The following BNC1 variants were observed in gnomAD, a reference collection of about 807,000 sequenced individuals.
BNC1 encodes the protein basonuclin zinc finger protein 1.
Under a neutral mutation model 66.5 loss-of-function variants are expected in BNC1, and 8 were observed. The observed-to-expected ratio is 0.12, with a 90% CI of 0.07 to 0.22. The LOEUF is 0.22. Ranked by LOEUF, BNC1 falls within the 10% of genes least tolerant of loss-of-function variation. The pLI is 1.00. For synonymous variants in BNC1, 454 were observed against 452.6 expected, an observed-to-expected ratio of 1.00 and a Z score of -0.04; for missense variants, 1,069 against 1,241.3, an observed-to-expected ratio of 0.86 and a Z score of 2.09.
At chr15:83,281,168 C>CA (rs1165257998) in intron 1 of BNC1, among the ~76,000 whole-genome samples, 4 of 152,166 alleles carry the variant, frequency 2.6e-5, no homozygotes, top group Non-Finnish European at 4.4e-5. Flanking sequence ...GAAATGGTGC[C>CA]ACAGTGGAAG....
intron 3 of BNC1, among the ~76,000 whole-genome samples, chr15:83,265,167 A>T (rs981026219): frequency 6.6e-6 from 1 of 152,254 alleles, no homozygotes; most frequent in East Asian, 1.9e-4. Context: ...AAATTAAAAT[A>T]TGTATCATTT....
At chr15:83,283,400 T>G in intron 1 of BNC1, 5 of 1,192,560 alleles carry the variant, frequency 4.2e-6, no homozygotes, top group East Asian at 4.0e-5. Flanking sequence ...GCCTCCTCCT[T>G]CTCCGCCCGC....
At position 83,268,278 on chromosome 15, in the gene BNC1, G is replaced by A. The variant is rs564309481; in HGVS notation, c.100-46C>T. 7.1e-5 allele frequency: 105 copies of A among 1,481,784 alleles called. 2 individuals carry two copies. In the South Asian group the frequency reaches 1.1e-3, roughly 16 times the overall value. 91.8% of individuals were successfully genotyped at this position (1,481,784 alleles called of 1,614,324 possible). On this transcript the variant is annotated intron_variant, in intron 1 of 4. Coordinates refer to ENST00000345382, the MANE Select transcript of BNC1 (RefSeq NM_001717.4). ...GGTATGTGGAGCATGTAAGTGATGTGTGAAACATTCATTGTATTTCAAACA... is the reference window on the plus strand; with the variant it reads ...GGTATGTGGAGCATGTAAGTGATGTATGAAACATTCATTGTATTTCAAACA...
At chr15:83,275,714 C>G (rs528906184) in intron 1 of BNC1, among the ~76,000 whole-genome samples, 6 of 152,118 alleles carry the variant, frequency 3.9e-5, no homozygotes, top group South Asian at 4.2e-4. Context: ...AGTGCAAAGG[C>G]TCTCAGGCAC....
chr15:83,257,636 G>A lies in BNC1; in HGVS notation c.2791C>T (p.His931Tyr). The A allele has an allele frequency of 6.2e-7, 1 of 1,614,140 alleles. No individual in the cohort carries two copies. Among genetic ancestry groups the A allele is most frequent in the South Asian group, 1.1e-5 (1 of 91,072 alleles). ...TTACTGTATGTCTTTTGGCAGAGAT[G>A]ACAGGTTATGGGCAACCCAGAAGGC... The part of the protein sequence containing the change: ...SLPSGLPITC[H>Y]LCQKTYSNKG... Residue 931 changes from histidine (H) to tyrosine (Y), a missense_variant, in exon 5 of 5, where the codon CAT (histidine) becomes TAT (tyrosine). By Grantham distance (83) the His-to-Tyr change is moderately conservative. Around this residue, in one of 7 missense-constraint regions of BNC1, gnomAD observed 657 missense variants for 715.8 expected, o/e 0.92. Transcript: ENST00000345382.
chr15:83,283,412 GC>G, intron 1 of BNC1: 1 of 1,189,636 alleles, frequency 8.4e-7, no homozygotes. Flanking sequence ...TCCGCCCGCG[GC>G]CCCCAGCCTC....
chr15:83,283,309 G>A, intron 1 of BNC1: 2 of 1,496,730 alleles, frequency 1.3e-6, no homozygotes, highest in South Asian at 1.3e-5. Context: ...CAAATCCCGA[G>A]GAACTCCGGC....
Position 83,263,843 on chromosome 15 carries a change from G to C in BNC1, c.1408C>G (p.Pro470Ala), listed in dbSNP as rs751394257. The C allele has an allele frequency of 1.2e-6, 2 of 1,614,176 alleles. No homozygotes were observed. Among genetic ancestry groups the C allele is most frequent in the Admixed American group, 1.7e-5 (1 of 60,012 alleles). The change falls in exon 4 of 5, where the codon CCA (proline) becomes GCA (alanine). Residue 470 changes from proline (P) to alanine (A), a missense_variant. Coordinates refer to ENST00000345382, the MANE Select transcript of BNC1 (RefSeq NM_001717.4). ...AGCACACCATTTTGCCCAATGTTTG[G>C]GAAGGCTGGTTGGCCTTTGGAATCC... The part of the protein sequence containing the change: ...GEDSKGQPAF[P>A]NIGQNGVLFP...
At chr15:83,278,523 G>C (rs1185119544) in intron 1 of BNC1, among the ~76,000 whole-genome samples, 5 of 152,110 alleles carry the variant, frequency 3.3e-5, no homozygotes, top group Non-Finnish European at 7.4e-5. Flanking sequence ...GCCACTTTTA[G>C]AAAATGCTAG....
At chr15:83,275,724 C>A (rs1395126169) in intron 1 of BNC1, among the ~76,000 whole-genome samples, 1 of 151,978 alleles carries the variant, frequency 6.6e-6, no homozygotes, top group Non-Finnish European at 1.5e-5. Context: ...CTCTCAGGCA[C>A]AATAGAGATG....
In BNC1 at chr15:83,263,667, T is replaced by C. The variant is rs2038176558; in HGVS notation, c.1584A>G (p.Pro528=). Residue 528 remains proline, a synonymous_variant, in exon 4 of 5, where the codon CCA becomes CCG. Transcript: ENST00000345382. ...IPEQLISNEM[P]FDALPKKKSR... ...ATTTCTTCTTGGGAAGGGCATCAAATGGCATTTCGTTTGAAATGAGCTGTT... is the reference window on the plus strand; with the variant it reads ...ATTTCTTCTTGGGAAGGGCATCAAACGGCATTTCGTTTGAAATGAGCTGTT... 6.2e-7 allele frequency: 1 copy of C among 1,614,212 alleles called. No homozygotes were observed. The highest frequency in any genetic ancestry group is 1.1e-5 in the South Asian group (1 of 91,084).
Position 83,264,792 on chromosome 15 carries a change from A to T in BNC1, c.459T>A (p.Asp153Glu). ...CCTCACTGGTCATGATGCTCCAGTG[A>T]TCCAACACCTTTCCTGATGCATCCT... ...VLQDASGKVL[D>E]HWSIMTSEEE... The change falls in exon 4 of 5, where the codon GAT becomes GAA. Residue 153 changes from aspartate to glutamate, a missense_variant. By Grantham distance (45) the Asp-to-Glu change is conservative (BLOSUM62 2). Around this residue, in one of 7 missense-constraint regions of BNC1, gnomAD observed 39 missense variants for 89.5 expected, o/e 0.44. Transcript: ENST00000345382. 1 of 1,613,926 alleles carries T rather than the reference A, an allele frequency of 6.2e-7. No homozygotes were observed. Among genetic ancestry groups the T allele is most frequent in the Non-Finnish European group, 8.5e-7 (1 of 1,179,880 alleles).
chr15:83,272,577 T>A (rs566155997), intron 1 of BNC1, among the ~76,000 whole-genome samples: 1 of 152,154 alleles, frequency 6.6e-6, no homozygotes, highest in South Asian at 2.1e-4. Context: ...ATTATATGAG[T>A]AAATTCACAT....
At chr15:83,267,304 A>T (rs2038227510) in intron 2 of BNC1, among the ~76,000 whole-genome samples, 1 of 152,214 alleles carries the variant, frequency 6.6e-6, no homozygotes, top group African/African-American at 2.4e-5. Context: ...CTTGCTAAGG[A>T]AAGAAATAGT....
intron 1 of BNC1, among the ~76,000 whole-genome samples, chr15:83,281,928 G>A (rs1370576088): frequency 6.6e-6 from 1 of 152,146 alleles, no homozygotes; most frequent in African/African-American, 2.4e-5. Flanking sequence ...GCTACATGGG[G>A]GAGATGCAAT....
intron 1 of BNC1, among the ~76,000 whole-genome samples, chr15:83,276,622 C>T (rs539907241): frequency 1.3e-5 from 2 of 152,144 alleles, no homozygotes; most frequent in East Asian, 3.9e-4. Flanking sequence ...TTGTAGAAAA[C>T]TCCTCATAAA....
intron 4 of BNC1, 140 bp from the exon 5 acceptor site, chr15:83,258,266 A>C (rs947821754): frequency 1.2e-6 from 1 of 832,528 alleles, no homozygotes; most frequent in Non-Finnish European, 1.8e-6. Flanking sequence ...CCCCCATGGG[A>C]TGTAACACCT....
chr15:83,277,823 T>C lies in BNC1; in HGVS notation c.99+6707A>G, dbSNP rs576792280. Among the ~76,000 whole-genome samples, 22 of 152,310 alleles carry C rather than the reference T, an allele frequency of 1.4e-4. 1 individual carries two copies. In the South Asian group the frequency reaches 4.6e-3, roughly 32 times the overall value. ...GGCTGCAGAGCTAGCCTTCCTGGTT[T>C]AGGAAACTGCATCATTCAAGGGTGG... On this transcript the variant is annotated intron_variant, in intron 1 of 4. Coordinates refer to ENST00000345382, the MANE Select transcript of BNC1 (RefSeq NM_001717.4).
At chr15:83,265,263 A>C (rs1226046700) in intron 3 of BNC1, among the ~76,000 whole-genome samples, 1 of 152,244 alleles carries the variant, frequency 6.6e-6, no homozygotes, top group Non-Finnish European at 1.5e-5. Context: ...CTGCAAGTTT[A>C]ATAATCTTCC....
Sources: allele counts gnomAD v4.1 joint callset (sites outside exome capture counted in the v4.1 genomes callset), GRCh38; gene constraint gnomAD v4.1.1; regional missense constraint gnomAD v4.1.1; transcripts MANE v1.5; gene names NCBI Gene and HGNC (gene_info 2026-07-23, HGNC 2026-07-21).